The following PTPN4 variants were observed in gnomAD, a reference collection of about 807,000 sequenced individuals.
PTPN4 encodes tyrosine-protein phosphatase non-receptor type 4.
A neutral mutation model predicts 135.5 loss-of-function variants in PTPN4; 49 were observed. The observed-to-expected ratio is 0.36, with a 90% CI of 0.29 to 0.46. The LOEUF (loss-of-function observed/expected upper bound fraction) is 0.46. Among genes scored for constraint, PTPN4 ranks in the 20% least tolerant of loss-of-function variants. The pLI, the probability that PTPN4 is intolerant of heterozygous loss-of-function variation, is 1.00. For missense variants in PTPN4, 860 were observed against 1,101.0 expected, an observed-to-expected ratio of 0.78 and a Z score of 3.10; for synonymous variants, 333 against 369.9, an observed-to-expected ratio of 0.90 and a Z score of 1.14.
chr2:119,899,534 T>C (rs888482798), intron 9 of PTPN4, among the ~76,000 whole-genome samples: 1 of 152,186 alleles, frequency 6.6e-6, no homozygotes, highest in African/African-American at 2.4e-5. Context: ...TATGTTCATA[T>C]GTTATAGATT....
At chr2:119,786,219 G>A (rs998830673) in intron 1 of PTPN4, among the ~76,000 whole-genome samples, 1 of 152,106 alleles carries the variant, frequency 6.6e-6, no homozygotes, top group African/African-American at 2.4e-5. Context: ...ACAGTTGAGA[G>A]ATACTTCACC....
chr2:119,934,877 A>G lies in PTPN4; in HGVS notation c.1274A>G (p.His425Arg). ...GGTCATTTGGTAGACCATATGGTTC[A>G]TACTTCCCCAAGCGAAGTGTTTGTA... ...SVGHLVDHMV[H>R]TSPSEVFVNQ... The change falls in exon 15 of 27, where the codon CAT becomes CGT. Residue 425 changes from histidine (H) to arginine (R), a missense_variant. By Grantham distance (29) the His-to-Arg change is conservative. Transcript: ENST00000263708. 1 of 1,613,828 alleles carries G rather than the reference A, an allele frequency of 6.2e-7. No homozygotes were observed. Among genetic ancestry groups the G allele is most frequent in the Non-Finnish European group, 8.5e-7 (1 of 1,179,692 alleles).
rs760122086 is a variant in PTPN4, at chr2:119,932,462, G to C, written c.1109G>C (p.Trp370Ser). ...SKPLARKLMDWEVVSRNSISD... is the reference protein window; with the variant it reads ...SKPLARKLMDSEVVSRNSISD... ...CCCTTGGCACGGAAATTAATGGATT[G>C]GGAAGTAGTAAGCAGAAATTCAATA... is the stretch of plus-strand genomic sequence containing the variant. The change falls in exon 14 of 27, where the codon TGG (tryptophan) becomes TCG (serine). Residue 370 changes from tryptophan to serine, a missense_variant. Trp to Ser is a radical substitution (Grantham distance 177). Coordinates refer to ENST00000263708, the MANE Select transcript of PTPN4 (RefSeq NM_002830.4). 1.2e-6 allele frequency: 2 copies of C among 1,611,156 alleles called. No individual in the cohort carries two copies. Among genetic ancestry groups the C allele is most frequent in the Admixed American group, 1.7e-5 (1 of 59,914 alleles).
chr2:119,845,874 A>G (rs1221034298), intron 2 of PTPN4, among the ~76,000 whole-genome samples: 1 of 152,068 alleles, frequency 6.6e-6, no homozygotes, highest in East Asian at 1.9e-4. Context: ...ATCAAATGTG[A>G]TATGTTGTTA....
At chr2:119,940,516 C>T (rs1196817379) in intron 15 of PTPN4, among the ~76,000 whole-genome samples, 3 of 152,156 alleles carry the variant, frequency 2.0e-5, no homozygotes, top group East Asian at 1.9e-4. Context: ...GGCATAGTGG[C>T]GCAATTATAG....
At position 119,915,150 on chromosome 2, in the gene PTPN4, C is replaced by T. The variant is rs546579687; in HGVS notation, c.765-29C>T. On this transcript the variant is annotated intron_variant, in intron 10 of 26. Transcript: ENST00000263708. ...TTAATATTTTTATCATTATTCAATA[C>T]TTTGAATAATTTATTGTCTTTTGTC... 8.5e-5 allele frequency: 124 copies of T among 1,457,182 alleles called. 3 individuals are homozygous for T. In the South Asian group the frequency reaches 1.6e-3, roughly 18 times the overall value. 90.3% of individuals were successfully genotyped at this position (1,457,182 alleles called of 1,614,324 possible).
chr2:119,861,881 GAT>G (rs1340547014), intron 2 of PTPN4, among the ~76,000 whole-genome samples: 1 of 152,098 alleles, frequency 6.6e-6, no homozygotes, highest in African/African-American at 2.4e-5. Flanking sequence ...GTTAAAATGA[GAT>G]AGTTTTCTAA....
chr2:119,760,035 G>C lies in PTPN4; in HGVS notation c.-367G>C, dbSNP rs555135983. 2 of 382,844 alleles carry C rather than the reference G, an allele frequency of 5.2e-6. No individual in the cohort carries two copies. The highest frequency in any genetic ancestry group is 4.2e-5 in the African/African-American group (2 of 48,088). 23.7% of individuals were successfully genotyped at this position (382,844 alleles called of 1,614,324 possible). On this transcript the variant is annotated 5_prime_UTR_variant, in exon 1 of 27. Transcript: ENST00000263708. The stretch of plus-strand genomic sequence containing the variant: ...CCAGGGGCCGGAATTGGGCCTGAGC[G>C]GGAGAGGAAAGAGACTTGGCTTTGG...
rs116700914 is a variant in PTPN4 at position 119,778,620 on chromosome 2, A to G, written c.-18+18236A>G. Among the ~76,000 whole-genome samples the G allele has an allele frequency of 8.5e-3, 1,290 of 152,322 alleles. 19 individuals are homozygous for G. The highest frequency in any genetic ancestry group is 0.027 in the African/African-American group (1,130 of 41,568). On this transcript the variant is annotated intron_variant, in intron 1 of 26. Coordinates refer to ENST00000263708, the MANE Select transcript of PTPN4 (RefSeq NM_002830.4). ...ACTTTAAATGCTGAAATGTATAAAT[A>G]GGATATAGTGAGTTGTAAAAGATTA...
At chr2:119,931,135 T>C (rs930708683) in intron 13 of PTPN4, among the ~76,000 whole-genome samples, 1 of 152,136 alleles carries the variant, frequency 6.6e-6, no homozygotes, top group African/African-American at 2.4e-5. Context: ...AAAATACATA[T>C]AGTTTTTATA....
chr2:119,795,746 G>A (rs1384029379), intron 1 of PTPN4, among the ~76,000 whole-genome samples: 1 of 152,236 alleles, frequency 6.6e-6, no homozygotes, highest in Non-Finnish European at 1.5e-5. Flanking sequence ...GCTTCTGCCT[G>A]CTCCTGGCTT....
chr2:119,847,841 T>G (rs1677528880), intron 2 of PTPN4, among the ~76,000 whole-genome samples: 1 of 152,252 alleles, frequency 6.6e-6, no homozygotes, highest in African/African-American at 2.4e-5. Flanking sequence ...AAAGATGTGC[T>G]GAGTACAAGA....
chr2:119,844,229 G>A (rs1443697425), intron 2 of PTPN4, among the ~76,000 whole-genome samples: 26 of 136,966 alleles, frequency 1.9e-4, no homozygotes, highest in Middle Eastern at 8.1e-3. Flanking sequence ...AGGGGCGGGC[G>A]GGCAGAGGCG....
In PTPN4 at chr2:119,965,380, A is replaced by G. The variant is rs1200487902; in HGVS notation, c.2410-117A>G. ...AGTGATCAATGCTAAGTGTGCTGCA[A>G]GCTGTGTTTAGTTTTCTATCTCCCC... On this transcript the variant is annotated intron_variant, in intron 24 of 26. Transcript: ENST00000263708. 4.1e-6 allele frequency: 4 copies of G among 971,974 alleles called. No homozygotes were observed. In the African/African-American group the frequency reaches 6.6e-5, roughly 16 times the overall value. The allele number at this position is 971,974 out of a possible 1,614,324, so 60.2% of individuals were successfully genotyped here.
At chr2:119,828,758 T>TC (rs34690186) in intron 2 of PTPN4, among the ~76,000 whole-genome samples, 1 of 152,352 alleles carries the variant, frequency 6.6e-6, no homozygotes, top group East Asian at 1.9e-4. Flanking sequence ...GGTTTTACCT[T>TC]CTGTTAGTGA....
chr2:119,879,068 G>A (rs1678030575), intron 5 of PTPN4, among the ~76,000 whole-genome samples: 2 of 150,900 alleles, frequency 1.3e-5, no homozygotes. Context: ...ACTCCAGCCT[G>A]GGCGACAGAG....
intron 24 of PTPN4, among the ~76,000 whole-genome samples, chr2:119,964,520 G>A (rs1679419752): frequency 6.6e-6 from 1 of 152,038 alleles, no homozygotes; most frequent in Non-Finnish European, 1.5e-5. Flanking sequence ...TGAGGATTAG[G>A]TCAGCTTTGT....
intron 25 of PTPN4, among the ~76,000 whole-genome samples, chr2:119,965,877 C>T (rs1043261119): frequency 6.6e-6 from 1 of 152,168 alleles, no homozygotes; most frequent in African/African-American, 2.4e-5. Context: ...TCCTCCTTTT[C>T]ATATTTTAAC....
chr2:119,776,825 G>A (rs1215192910), intron 1 of PTPN4, among the ~76,000 whole-genome samples: 2 of 152,180 alleles, frequency 1.3e-5, no homozygotes, highest in African/African-American at 4.8e-5. Context: ...AATTGACTTT[G>A]TTATTGGTAA....
Sources: allele counts gnomAD v4.1 joint callset (sites outside exome capture counted in the v4.1 genomes callset), GRCh38; gene constraint gnomAD v4.1.1; transcripts MANE v1.5; gene names NCBI Gene and HGNC (gene_info 2026-07-23, HGNC 2026-07-21).